The following TJP1 variants were observed in gnomAD, a reference collection of about 807,000 sequenced individuals.
TJP1 encodes tight junction protein 1, also known as tight junction protein ZO-1.
In TJP1, 43 loss-of-function variants were observed where a neutral mutation model predicts 194.2. The ratio of observed to expected loss-of-function variants is 0.22; its 90% CI spans 0.17 to 0.29. TJP1 has a LOEUF of 0.29. TJP1 is among the 10% of genes least tolerant of loss of function. The pLI is 1.00. For synonymous variants in TJP1, 801 were observed against 779.0 expected (o/e 1.03, Z -0.47); for missense variants, 1,971 against 2,185.7 (o/e 0.90, Z 1.96).
chr15:29,740,459 C>T (rs1204544655), intron 10 of TJP1, among the ~76,000 whole-genome samples: 2 of 151,774 alleles, frequency 1.3e-5, no homozygotes, highest in African/African-American at 4.8e-5. Flanking sequence ...AACAAAACCC[C>T]GTCTCTACTA....
At chr15:29,722,090 G>A (rs1034462083) in intron 18 of TJP1, among the ~76,000 whole-genome samples, 10 of 152,216 alleles carry the variant, frequency 6.6e-5, no homozygotes, top group African/African-American at 1.2e-4. Flanking sequence ...TTTGCAGCCT[G>A]GCTATGCAGT....
At chr15:29,710,256 C>T (rs1367452842) in intron 24 of TJP1, among the ~76,000 whole-genome samples, 2 of 152,068 alleles carry the variant, frequency 1.3e-5, no homozygotes, top group Admixed American at 6.6e-5. Flanking sequence ...TAAAAGATAG[C>T]CTCAATCCAG....
intron 4 of TJP1, among the ~76,000 whole-genome samples, chr15:29,770,489 G>C (rs548214098): frequency 6.6e-6 from 1 of 151,206 alleles, no homozygotes; most frequent in South Asian, 2.1e-4. Flanking sequence ...GGCGGATCAC[G>C]AGACAGCCTC....
At chr15:29,785,690 CTA>C (rs1283362033) in intron 2 of TJP1, among the ~76,000 whole-genome samples, 5 of 152,264 alleles carry the variant, frequency 3.3e-5, no homozygotes, top group African/African-American at 1.2e-4. Flanking sequence ...CTCACTAATT[CTA>C]GTCTTACTTT....
chr15:29,967,957 T>G (rs1400348387), intron 1 of TJP1: 1 of 598,436 alleles, frequency 1.7e-6, no homozygotes, highest in Non-Finnish European at 2.1e-6. Context: ...CTCAAGCCAG[T>G]GGCATACCTA....
chr15:29,764,171 G>C (rs2046187336), intron 5 of TJP1, among the ~76,000 whole-genome samples: 1 of 152,228 alleles, frequency 6.6e-6, no homozygotes, highest in Non-Finnish European at 1.5e-5. Flanking sequence ...CAAATGCGGT[G>C]AGTTCAGAGG....
In TJP1 at chr15:29,730,620, TGAA is replaced by T. The variant is rs554143009; in HGVS notation, c.2017+1810_2017+1812del. 3.1e-5 allele frequency: 18 copies of T among 586,912 alleles called. No individual in the cohort carries two copies. The East Asian group carries it at 6.1e-4, about 20-fold the overall frequency. 36.4% of individuals were successfully genotyped at this position (586,912 alleles called of 1,614,324 possible). ...TGAAAAAAAAAAAAGAGGAGCAGTG[TGAA>T]GAAGAGGCGAGAACGACCCCCGGAC... On this transcript the variant is annotated intron_variant, in intron 15 of 27. Transcript: ENST00000614355.
chr15:29,708,481 C>A, intron 25 of TJP1, 78 bp downstream of exon 25: 2 of 1,205,318 alleles, frequency 1.7e-6, no homozygotes, highest in Admixed American at 2.1e-5. Context: ...CTTTAAAGTC[C>A]CAAGTCAAAT....
intron 4 of TJP1, among the ~76,000 whole-genome samples, chr15:29,768,725 A>G (rs1291507547): frequency 6.6e-6 from 1 of 152,214 alleles, no homozygotes; most frequent in African/African-American, 2.4e-5. Context: ...AACCAGTCCT[A>G]TTGTGATTCT....
chr15:29,794,719 T>C (rs912819653), intron 2 of TJP1, among the ~76,000 whole-genome samples: 4 of 152,174 alleles, frequency 2.6e-5, no homozygotes, highest in Non-Finnish European at 5.9e-5. Flanking sequence ...ATTTTGCTTA[T>C]TGAAAAAACT....
At chr15:29,835,333 T>G (rs1001416994) in intron 2 of TJP1, among the ~76,000 whole-genome samples, 8 of 152,230 alleles carry the variant, frequency 5.3e-5, no homozygotes, top group Admixed American at 4.6e-4. Context: ...AAAAGTTTTA[T>G]AAAAGCTGGG....
chr15:29,863,020 C>A (rs1220849376), intron 2 of TJP1, among the ~76,000 whole-genome samples: 1 of 151,060 alleles, frequency 6.6e-6, no homozygotes, highest in Non-Finnish European at 1.5e-5. Flanking sequence ...CTTGTCTGGG[C>A]ACGGTGGCTC....
At chr15:29,852,764 G>C (rs1299750134) in intron 2 of TJP1, among the ~76,000 whole-genome samples, 2 of 151,912 alleles carry the variant, frequency 1.3e-5, no homozygotes, top group Non-Finnish European at 2.9e-5. Flanking sequence ...AATTAGCCAG[G>C]CATGTGGTGC....
At chr15:29,902,348 G>T (rs770282195) in intron 2 of TJP1, among the ~76,000 whole-genome samples, 9 of 152,028 alleles carry the variant, frequency 5.9e-5, no homozygotes, top group Non-Finnish European at 8.8e-5. Context: ...TGTTCTAACT[G>T]TGGTATAGAT....
At chr15:29,867,443 C>A (rs1045631821) in intron 2 of TJP1, among the ~76,000 whole-genome samples, 1 of 152,174 alleles carries the variant, frequency 6.6e-6, no homozygotes, top group Non-Finnish European at 1.5e-5. Flanking sequence ...TCACATTGGG[C>A]CTTGCTGGCT....
At chr15:29,823,449 A>G (rs45491001), upstream of TJP1, 1 of 152,380 alleles carries the variant, frequency 6.6e-6, no homozygotes, top group African/African-American at 2.4e-5. Context: ...CCTTAGTAAC[A>G]TCAATGATAA....
At chr15:29,800,838 C>T in intron 1 of TJP1, 136 bp from the exon 2 acceptor site, 1 of 766,774 alleles carries the variant, frequency 1.3e-6, no homozygotes, top group South Asian at 2.3e-5. Flanking sequence ...CTGAAAGGAC[C>T]TTAATAATTA....
intron 2 of TJP1, among the ~76,000 whole-genome samples, chr15:29,935,843 C>T (rs2054864457): frequency 6.6e-6 from 1 of 152,136 alleles, no homozygotes; most frequent in African/African-American, 2.4e-5. Flanking sequence ...TACCACCCTT[C>T]AAAACCAGCA....
chr15:29,852,485 G>T (rs191304050), intron 2 of TJP1, among the ~76,000 whole-genome samples: 28 of 152,270 alleles, frequency 1.8e-4, no homozygotes, highest in African/African-American at 6.5e-4. Context: ...GAAAAAATTG[G>T]ATCACTTGTA....
Sources: gnomAD v4.1 joint callset for allele counts (sites outside exome capture counted in the v4.1 genomes callset) on GRCh38, gnomAD v4.1.1 for gene constraint, MANE v1.5 for transcripts, NCBI Gene and HGNC (gene_info 2026-07-23, HGNC 2026-07-21) for gene names.